Variants in RTN1 observed in about 807,000 individuals in gnomAD.
The protein encoded by RTN1 is reticulon-1.
RTN1 carries 25 observed loss-of-function variants against 65.5 expected under a neutral mutation model. The observed-to-expected ratio is 0.38, with a 90% confidence interval of 0.28 to 0.53. The LOEUF (loss-of-function observed/expected upper bound fraction) is 0.53, where lower values mean the gene tolerates loss of function less well. Ranked by LOEUF, RTN1 falls within the 20% of genes least tolerant of loss-of-function variation. The probability of loss-of-function intolerance (pLI) is 0.79; values close to 1 mark genes in which losing one functional copy is unlikely to be tolerated. For synonymous variants in RTN1, 471 were observed against 447.6 expected (o/e 1.05, Z -0.66); for missense variants, 983 against 1,025.4 (o/e 0.96, Z 0.57).
At chr14:59,756,839 T>C (rs1885648190) in intron 1 of RTN1, among the ~76,000 whole-genome samples, 1 of 109,082 alleles carries the variant, frequency 9.2e-6, no homozygotes, top group South Asian at 2.7e-4. Flanking sequence ...ATTCTTTTTT[T>C]TGTTTTTTTT....
At chr14:59,684,472 T>C (rs1017765422) in intron 3 of RTN1, among the ~76,000 whole-genome samples, 3 of 152,064 alleles carry the variant, frequency 2.0e-5, no homozygotes, top group Admixed American at 2.0e-4. Context: ...TTATTTTCTA[T>C]AAAAATAAGA....
At chr14:59,776,646 A>G (rs74061310) in intron 1 of RTN1, among the ~76,000 whole-genome samples, 2,045 of 152,232 alleles carry the variant, frequency 0.013, 48 homozygotes, top group African/African-American at 0.046. Flanking sequence ...GTTCTCAACC[A>G]GAAGAGGTTT....
At chr14:59,695,096 G>C (rs756621568) in intron 3 of RTN1, among the ~76,000 whole-genome samples, 1 of 152,146 alleles carries the variant, frequency 6.6e-6, no homozygotes, top group Non-Finnish European at 1.5e-5. Flanking sequence ...CTTCAGGGTG[G>C]AGAAAGGTTC....
At chr14:59,689,746 C>A (rs1883921561) in intron 3 of RTN1, among the ~76,000 whole-genome samples, 1 of 152,132 alleles carries the variant, frequency 6.6e-6, no homozygotes, top group Non-Finnish European at 1.5e-5. Context: ...TTTTTCCAGA[C>A]AAACAAGCAC....
intron 3 of RTN1, among the ~76,000 whole-genome samples, chr14:59,668,711 A>C (rs1883435802): frequency 6.6e-6 from 1 of 152,242 alleles, no homozygotes; most frequent in Non-Finnish European, 1.5e-5. Context: ...CCATCTGACA[A>C]AGGGCTAATA....
intron 3 of RTN1, among the ~76,000 whole-genome samples, chr14:59,717,574 C>T (rs1347682878): frequency 6.6e-6 from 1 of 152,148 alleles, no homozygotes. Flanking sequence ...TGTGTCGCCA[C>T]CATATACTGT....
intron 3 of RTN1, among the ~76,000 whole-genome samples, chr14:59,725,209 G>A (rs1476852231): frequency 6.6e-6 from 1 of 152,176 alleles, no homozygotes; most frequent in African/African-American, 2.4e-5. Flanking sequence ...CCCAGCTGTT[G>A]TCCTTGTCTC....
At chr14:59,820,050 G>A (rs1886912605) in intron 1 of RTN1, among the ~76,000 whole-genome samples, 2 of 152,262 alleles carry the variant, frequency 1.3e-5, no homozygotes, top group Non-Finnish European at 2.9e-5. Flanking sequence ...CGCCAAGGCC[G>A]AGGAGGCGCC....
chr14:59,622,770 A>C (rs532214319), intron 3 of RTN1, among the ~76,000 whole-genome samples: 1 of 152,218 alleles, frequency 6.6e-6, no homozygotes, highest in Non-Finnish European at 1.5e-5. Context: ...TCATTTACCA[A>C]GATAGTATCC....
At chr14:59,793,091 C>T (rs761051207) in intron 1 of RTN1, among the ~76,000 whole-genome samples, 2 of 152,068 alleles carry the variant, frequency 1.3e-5, no homozygotes, top group Non-Finnish European at 2.9e-5. Context: ...CCATAACAAC[C>T]TTATGAACAA....
intron 8 of RTN1, among the ~76,000 whole-genome samples, chr14:59,602,499 C>A (rs375620413): frequency 6.6e-6 from 1 of 151,954 alleles, no homozygotes; most frequent in Non-Finnish European, 1.5e-5. Context: ...TATAAGGGAG[C>A]CATAAAGTAA....
chr14:59,631,899 AGAGAAGTG>A (rs1882563646), intron 3 of RTN1, among the ~76,000 whole-genome samples: 1 of 152,144 alleles, frequency 6.6e-6, no homozygotes, highest in African/African-American at 2.4e-5. Flanking sequence ...TCTTTTTCAT[AGAGAAGTG>A]GAGCCTTCCC....
chr14:59,605,288 TG>T lies in RTN1; in HGVS notation c.2112+79del, dbSNP rs1566657673. On this transcript the variant is annotated intron_variant, in intron 5 of 8. Transcript: ENST00000267484. The stretch of plus-strand genomic sequence containing the variant: ...ATTAGCACTTGCTTTTTATTCTTCT[TG>T]ATGTAGCAGTTTACAGTATTACACC... The T allele has an allele frequency of 2.8e-6, 4 of 1,445,172 alleles. No individual in the cohort carries two copies. In the Admixed American group the frequency reaches 6.6e-5, roughly 24 times the overall value. The allele number at this position is 1,445,172 out of a possible 1,614,324, so 89.5% of individuals were successfully genotyped here.
intron 3 of RTN1, among the ~76,000 whole-genome samples, chr14:59,650,110 T>A (rs1882990898): frequency 6.6e-6 from 1 of 152,174 alleles, no homozygotes; most frequent in South Asian, 2.1e-4. Context: ...GGGACTTGGA[T>A]GAAGCTGGAA....
intron 2 of RTN1, among the ~76,000 whole-genome samples, chr14:59,740,520 T>C (rs907057838): frequency 1.3e-4 from 20 of 152,366 alleles, no homozygotes; most frequent in Middle Eastern, 6.8e-3. Flanking sequence ...AGTTGAAAAC[T>C]ACTATGCTAG....
intron 3 of RTN1, among the ~76,000 whole-genome samples, chr14:59,643,254 A>G (rs1882816222): frequency 1.3e-5 from 2 of 151,636 alleles, no homozygotes; most frequent in Admixed American, 1.3e-4. Context: ...ACAAAAAATA[A>G]AAAAAAAATT....
At chr14:59,693,840 G>A (rs916071864) in intron 3 of RTN1, among the ~76,000 whole-genome samples, 4 of 152,146 alleles carry the variant, frequency 2.6e-5, no homozygotes, top group African/African-American at 7.2e-5. Context: ...CAGAAAAAAT[G>A]TGCCCAGTAC....
Position 59,674,698 on chromosome 14 carries a change from G to T in RTN1, c.1765+52221C>A, listed in dbSNP as rs1358173108. Among the ~76,000 whole-genome samples the T allele has an allele frequency of 6.6e-5, 10 of 152,286 alleles. No homozygotes were observed. The East Asian group carries it at 1.5e-3, about 24-fold the overall frequency. ...TTCAACATATTGAAAGATTAATCAG[G>T]AGTTCAGAGCTTTATACTGTAGAAA... On this transcript the variant is annotated intron_variant, in intron 3 of 8. Transcript: ENST00000267484.
chr14:59,798,244 G>A (rs988172173), intron 1 of RTN1, among the ~76,000 whole-genome samples: 2 of 152,076 alleles, frequency 1.3e-5, no homozygotes, highest in African/African-American at 4.8e-5. Flanking sequence ...AGATTTGGAG[G>A]TATATGCCTC....
Sources: allele counts gnomAD v4.1 joint callset (sites outside exome capture counted in the v4.1 genomes callset), GRCh38; gene constraint gnomAD v4.1.1; transcripts MANE v1.5; gene names NCBI Gene and HGNC (gene_info 2026-07-23, HGNC 2026-07-21).